TRRAP: variants seen among roughly 807,000 people sequenced by gnomAD.
TRRAP encodes transformation/transcription domain-associated protein.
In TRRAP, 41 loss-of-function variants were observed where a neutral mutation model predicts 438.8. That is an observed-to-expected ratio of 0.09 (90% confidence interval 0.07 to 0.12). The LOEUF (loss-of-function observed/expected upper bound fraction) is 0.12. Among genes scored for constraint, TRRAP ranks in the 10% least tolerant of loss-of-function variants. The probability of loss-of-function intolerance (pLI) is 1.00; values close to 1 mark genes in which losing one functional copy is unlikely to be tolerated. For missense variants in TRRAP, 3,122 were observed against 5,055.1 expected (o/e 0.62, Z 11.60); for synonymous variants, 1,994 against 1,962.9 (o/e 1.02, Z -0.42).
chr7:98,942,580 C>T (rs1186325816), intron 30 of TRRAP, among the ~76,000 whole-genome samples: 2 of 152,202 alleles, frequency 1.3e-5, no homozygotes, highest in African/African-American at 2.4e-5. Context: ...AGGAGAGGGA[C>T]ATCATGACAG....
intron 21 of TRRAP, among the ~76,000 whole-genome samples, chr7:98,922,960 G>A (rs754963253): frequency 7.2e-5 from 11 of 152,088 alleles, no homozygotes; most frequent in Non-Finnish European, 1.5e-4. Context: ...ACAGATAAGC[G>A]TCACTCTGGA....
rs1397065114 is a variant in TRRAP, at chr7:98,965,688, G to A, written c.6977-8G>A. The A allele has an allele frequency of 1.9e-6, 3 of 1,613,890 alleles. No individual in the cohort carries two copies. Among genetic ancestry groups the A allele is most frequent in the African/African-American group, 2.7e-5 (2 of 75,024 alleles). On this transcript the variant is annotated splice_region_variant and splice_polypyrimidine_tract_variant and intron_variant, in intron 48 of 72. Coordinates refer to ENST00000456197, the MANE Select transcript of TRRAP (RefSeq NM_001375524.1). Reference sequence around the variant, plus strand: ...ACCCGTGGGTTTGTTCTTAATTGGGGCGAGCAGGTACAAGCGAGCTGGTGA... The same window carrying A: ...ACCCGTGGGTTTGTTCTTAATTGGGACGAGCAGGTACAAGCGAGCTGGTGA...
chr7:98,917,787 C>T (rs1247549090), intron 20 of TRRAP, 108 bp downstream of exon 20: 6 of 1,405,462 alleles, frequency 4.3e-6, no homozygotes, highest in African/African-American at 1.4e-5. Flanking sequence ...CAGTGCAGCT[C>T]TCTGTTTAAT....
chr7:98,911,315 T>C (rs782277527), intron 17 of TRRAP, 44 bp downstream of exon 17: 7 of 1,511,232 alleles, frequency 4.6e-6, no homozygotes, highest in Non-Finnish European at 5.4e-6. Context: ...TTACAATTCT[T>C]TGTTTATGTC....
intron 57 of TRRAP, among the ~76,000 whole-genome samples, 181 bp from the exon 58 acceptor site, chr7:98,978,588 C>T (rs1344344858): frequency 2.6e-5 from 4 of 152,176 alleles, no homozygotes; most frequent in Non-Finnish European, 5.9e-5. Context: ...TTGTGGTGTC[C>T]AGGGTGGGCA....
At position 98,965,891 on chromosome 7, in the gene TRRAP, A is replaced by C; in HGVS notation, c.7172A>C (p.Asn2391Thr). ...WVKNNSPMAANQTPTLREKSI... is the reference protein window; with the variant it reads ...WVKNNSPMAATQTPTLREKSI... ...AAGAATAACTCCCCAATGGCAGCCA[A>C]TCAGGTGAGCTGGGACGGTGTGCCA... Residue 2391 changes from asparagine to threonine, a missense_variant, in exon 49 of 73, where the codon AAT becomes ACT. Asn to Thr is a moderately conservative substitution (Grantham distance 65). Around this residue, in one of 24 missense-constraint regions of TRRAP, gnomAD observed 992 missense variants for 1,281.2 expected, o/e 0.77. Transcript: ENST00000456197. 1.2e-6 allele frequency: 2 copies of C among 1,614,182 alleles called. No individual in the cohort carries two copies. Among genetic ancestry groups the C allele is most frequent in the Non-Finnish European group, 1.7e-6 (2 of 1,180,016 alleles).
chr7:98,902,789 T>TA (rs1433679615), intron 11 of TRRAP, among the ~76,000 whole-genome samples: 4 of 150,652 alleles, frequency 2.7e-5, no homozygotes, highest in South Asian at 2.1e-4. Flanking sequence ...GTAATTACCT[T>TA]AAAAAAAATC....
At chr7:98,925,590 T>G (rs1554411429) in intron 22 of TRRAP, among the ~76,000 whole-genome samples, 1 of 152,234 alleles carries the variant, frequency 6.6e-6, no homozygotes, top group East Asian at 1.9e-4. Context: ...AGCTGGCGCC[T>G]GAAAGGCATG....
chr7:98,948,846 T>G lies in TRRAP; in HGVS notation c.4788+161T>G, dbSNP rs782507094. On this transcript the variant is annotated intron_variant, in intron 35 of 72. Transcript: ENST00000456197. The surrounding 1 kb of genome is among the most constrained non-coding windows in gnomAD (Gnocchi z 4.9). ...CAGCATTGCTGTTTGGTTGTGTCTG[T>G]GAAATGTGCAGGTCTAGGAACCACT... Among the ~76,000 whole-genome samples the G allele has an allele frequency of 6.6e-6, 1 of 152,154 alleles. No homozygotes were observed. The highest frequency in any genetic ancestry group is 1.5e-5 in the Non-Finnish European group (1 of 68,032).
chr7:98,884,435 T>A (rs1209738827), intron 3 of TRRAP, among the ~76,000 whole-genome samples: 11 of 151,676 alleles, frequency 7.3e-5, no homozygotes, highest in Non-Finnish European at 1.2e-4. Flanking sequence ...GGGTTTCGCC[T>A]TGTTGCCCAG....
At chr7:98,885,121 TA>T (rs1288145589) in intron 3 of TRRAP, among the ~76,000 whole-genome samples, 1 of 152,052 alleles carries the variant, frequency 6.6e-6, no homozygotes, top group Non-Finnish European at 1.5e-5. Flanking sequence ...TTTATTAGAT[TA>T]AAAAAAATTT....
intron 67 of TRRAP, among the ~76,000 whole-genome samples, chr7:99,003,262 T>C (rs985956251): frequency 6.6e-6 from 1 of 152,194 alleles, no homozygotes; most frequent in African/African-American, 2.4e-5. Flanking sequence ...GCCTGAGAAA[T>C]ATATTAACCA....
In TRRAP at chr7:98,974,558, C is replaced by G. The variant is rs368777028; in HGVS notation, c.7840-1591C>G. Among the ~76,000 whole-genome samples the G allele has an allele frequency of 1.2e-4, 19 of 152,308 alleles. 1 individual carries two copies. The highest frequency in any genetic ancestry group is 1.2e-3 in the South Asian group (6 of 4,832). ...CTTTGGGACAGTGTGTACATCAGAA[C>G]AAGCCATGGACTTGGGGAGCAGGAG... On this transcript the variant is annotated intron_variant, in intron 53 of 72. Coordinates refer to ENST00000456197, the MANE Select transcript of TRRAP (RefSeq NM_001375524.1).
At chr7:98,988,251 C>T (rs1233307172) in intron 62 of TRRAP, among the ~76,000 whole-genome samples, 1 of 152,162 alleles carries the variant, frequency 6.6e-6, no homozygotes, top group Non-Finnish European at 1.5e-5. Context: ...AGAGTTCCCA[C>T]GTGACCAGCA....
At chr7:98,938,352 A>G (rs1554414768) in intron 30 of TRRAP, among the ~76,000 whole-genome samples, 1 of 152,176 alleles carries the variant, frequency 6.6e-6, no homozygotes, top group East Asian at 1.9e-4. Context: ...AAATAAATAA[A>G]TAAAAACAAT....
intron 31 of TRRAP, among the ~76,000 whole-genome samples, chr7:98,944,971 A>G (rs1790980131): frequency 6.6e-6 from 1 of 151,744 alleles, no homozygotes; most frequent in Non-Finnish European, 1.5e-5. Flanking sequence ...CATCCAGCTC[A>G]TTTTTCTATG....
At chr7:98,886,022 C>T (rs781805057) in intron 3 of TRRAP, among the ~76,000 whole-genome samples, 9 of 152,182 alleles carry the variant, frequency 5.9e-5, no homozygotes, top group Non-Finnish European at 8.8e-5. Flanking sequence ...TGGTGGCTGA[C>T]GCCTGTAATC....
Position 99,005,268 on chromosome 7 carries a change from G to A in TRRAP, c.10673G>A (p.Arg3558His). 2 of 1,614,154 alleles carry A rather than the reference G, an allele frequency of 1.2e-6. No homozygotes were observed. The highest frequency in any genetic ancestry group is 8.5e-7 in the Non-Finnish European group (1 of 1,180,038). The change falls in exon 69 of 73, where the codon CGT becomes CAT. Residue 3558 changes from arginine (R) to histidine (H), a missense_variant. Arg to His is a conservative substitution (Grantham distance 29). This residue lies in a region of TRRAP where 95 missense variants were observed against 144.1 expected (regional missense o/e 0.66). Transcript: ENST00000456197. This position sits in a 1 kb window ranked among gnomAD's most constrained non-coding sequence, Gnocchi z 5.1. Reference sequence around the variant, plus strand: ...CTCACAGAGTCACGGCGAGAGGAGCGTGTGTTGCAGCTGCTGCGTCTGCTG... The same window carrying A: ...CTCACAGAGTCACGGCGAGAGGAGCATGTGTTGCAGCTGCTGCGTCTGCTG... ...ACLTESRREE[R>H]VLQLLRLLNP...
rs780651627 is a variant in TRRAP at position 99,005,389 on chromosome 7, T to C, written c.10753+41T>C. ...ACAGCTCGCTGGGTACACAGGCAGC[T>C]TCACAGGTGGGGATGAGAGCCACAC... On this transcript the variant is annotated intron_variant, in intron 69 of 72. Coordinates refer to ENST00000456197, the MANE Select transcript of TRRAP (RefSeq NM_001375524.1). This position sits in a 1 kb window ranked among gnomAD's most constrained non-coding sequence, Gnocchi z 5.1. The C allele has an allele frequency of 1.7e-5, 28 of 1,601,122 alleles. 1 individual carries two copies. The South Asian group carries it at 3.1e-4, about 18-fold the overall frequency.
Sources: gnomAD v4.1 joint callset for allele counts (sites outside exome capture counted in the v4.1 genomes callset) on GRCh38, gnomAD v4.1.1 for gene constraint, gnomAD v4.1.1 regional missense constraint, Gnocchi (gnomAD v3.1) non-coding constraint, MANE v1.5 for transcripts, NCBI Gene and HGNC (gene_info 2026-07-23, HGNC 2026-07-21) for gene names.